PARN: variants seen among roughly 807,000 people sequenced by gnomAD.
PARN encodes the protein poly(A)-specific ribonuclease PARN.
In PARN, 71 loss-of-function variants were observed where a neutral mutation model predicts 102.8. That is an observed-to-expected ratio of 0.69 (90% CI 0.57 to 0.84). PARN has a LOEUF of 0.84. Among genes scored for constraint, PARN ranks in the 40% least tolerant of loss-of-function variants. The probability of loss-of-function intolerance (pLI) is 0.00; values close to 1 mark genes in which losing one functional copy is unlikely to be tolerated. For missense variants in PARN, 782 were observed against 760.9 expected, an observed-to-expected ratio of 1.03 and a Z score of -0.33; for synonymous variants, 261 against 252.9, an observed-to-expected ratio of 1.03 and a Z score of -0.30.
At chr16:14,529,878 A>G (rs900570621) in intron 21 of PARN, among the ~76,000 whole-genome samples, 4 of 152,140 alleles carry the variant, frequency 2.6e-5, no homozygotes, top group Admixed American at 1.3e-4. Context: ...TTCCTCCTAT[A>G]GGTGATACCA....
chr16:14,519,610 T>C (rs1017072437), intron 21 of PARN, among the ~76,000 whole-genome samples: 3 of 152,086 alleles, frequency 2.0e-5, no homozygotes, highest in Non-Finnish European at 4.4e-5. Context: ...GAGGTTCTGA[T>C]TTGCAACACT....
chr16:14,610,510 A>T (rs945307476), intron 7 of PARN, 134 bp downstream of exon 7: 4 of 516,938 alleles, frequency 7.7e-6, no homozygotes, highest in Non-Finnish European at 1.4e-5. Context: ...AATATGCCAC[A>T]ATTATATCCT....
At chr16:14,510,179 C>G (rs1965108800) in intron 21 of PARN, among the ~76,000 whole-genome samples, 1 of 152,124 alleles carries the variant, frequency 6.6e-6, no homozygotes. Flanking sequence ...ACAGCAAAGG[C>G]TGGGGGAATA....
At chr16:14,467,353 G>A (rs1041676683) in intron 22 of PARN, among the ~76,000 whole-genome samples, 1 of 152,170 alleles carries the variant, frequency 6.6e-6, no homozygotes, top group Non-Finnish European at 1.5e-5. Context: ...ACCAAAAGCT[G>A]TAACATCAAG....
At chr16:14,567,405 G>A (rs967830694) in intron 18 of PARN, among the ~76,000 whole-genome samples, 1 of 152,060 alleles carries the variant, frequency 6.6e-6, no homozygotes, top group Non-Finnish European at 1.5e-5. Flanking sequence ...TATTTCCTGG[G>A]CTCTTTATGA....
At chr16:14,572,988 A>C (rs913966088) in intron 18 of PARN, among the ~76,000 whole-genome samples, 3 of 151,600 alleles carry the variant, frequency 2.0e-5, no homozygotes, top group Non-Finnish European at 4.4e-5. Context: ...TCCTGGGCTC[A>C]AGCAATCCTC....
intron 5 of PARN, among the ~76,000 whole-genome samples, chr16:14,626,779 AT>A (rs897636463): frequency 2.3e-4 from 33 of 145,916 alleles, no homozygotes; most frequent in Non-Finnish European, 2.7e-4. Context: ...CACTCGGCAA[AT>A]TTTTTTTTTT....
At position 14,527,240 on chromosome 16, in the gene PARN, G is replaced by T. The variant is rs143900526; in HGVS notation, c.1480+24781C>A. Among the ~76,000 whole-genome samples, 303 of 152,316 alleles carry T rather than the reference G, an allele frequency of 2.0e-3. 2 individuals carry two copies. Among genetic ancestry groups the T allele is most frequent in the African/African-American group, 6.9e-3 (285 of 41,560 alleles). The stretch of plus-strand genomic sequence containing the variant: ...TCCAAACAAGCCAGTTTTACCTGAC[G>T]ACATGATAAATTGAGTTCCCTCTGC... On this transcript the variant is annotated intron_variant, in intron 21 of 23. Coordinates refer to ENST00000437198, the MANE Select transcript of PARN (RefSeq NM_002582.4).
At chr16:14,470,523 T>A (rs994840649) in intron 22 of PARN, among the ~76,000 whole-genome samples, 11 of 151,718 alleles carry the variant, frequency 7.3e-5, no homozygotes, top group African/African-American at 2.7e-4. Flanking sequence ...AGTGGTACAA[T>A]CTCAGCTCAC....
chr16:14,627,222 A>G (rs755591089), intron 4 of PARN, 35 bp from the exon 5 acceptor site: 11 of 1,567,732 alleles, frequency 7.0e-6, no homozygotes, highest in Non-Finnish European at 9.6e-6. Context: ...AGGAGGTGAC[A>G]TTGTGCCACA....
intron 21 of PARN, among the ~76,000 whole-genome samples, chr16:14,513,879 T>G (rs1307267088): frequency 6.6e-6 from 1 of 152,170 alleles, no homozygotes; most frequent in South Asian, 2.1e-4. Flanking sequence ...TGGACTAATT[T>G]CTGTCTCTCC....
chr16:14,478,634 A>G (rs1367266629), intron 22 of PARN, among the ~76,000 whole-genome samples: 1 of 152,220 alleles, frequency 6.6e-6, no homozygotes, highest in Non-Finnish European at 1.5e-5. Flanking sequence ...AAAAGACATA[A>G]AGACTGGAAA....
chr16:14,582,214 C>T lies in PARN; in HGVS notation c.1159G>A (p.Gly387Arg), dbSNP rs753378365. The T allele has an allele frequency of 1.9e-6, 3 of 1,612,966 alleles. No homozygotes were observed. The highest frequency in any genetic ancestry group is 1.7e-5 in the Admixed American group (1 of 60,012). The change falls in exon 17 of 24, where the codon GGG becomes AGG. Residue 387 changes from glycine to arginine, a missense_variant. Coordinates refer to ENST00000437198, the MANE Select transcript of PARN (RefSeq NM_002582.4). ...HEAGYDAYIT[G>R]LCFISMANYL... ...TTGGCCATGGAGATGAAGCACAGCC[C>T]TGTGATGTAGGCATCGTAGCCTGCC...
intron 3 of PARN, among the ~76,000 whole-genome samples, chr16:14,627,562 T>G (rs1444867981): frequency 1.3e-5 from 2 of 152,250 alleles, no homozygotes; most frequent in Non-Finnish European, 2.9e-5. Flanking sequence ...AGAATCATAT[T>G]AGGTCTATTT....
At chr16:14,616,858 A>G (rs923710031) in intron 6 of PARN, among the ~76,000 whole-genome samples, 12 of 152,202 alleles carry the variant, frequency 7.9e-5, no homozygotes, top group Non-Finnish European at 5.9e-5. Context: ...TTACAGCATC[A>G]GTGGAATACA....
At chr16:14,551,870 T>C in intron 21 of PARN, 151 bp downstream of exon 21, 1 of 583,340 alleles carries the variant, frequency 1.7e-6, no homozygotes, top group Non-Finnish European at 3.1e-6. Flanking sequence ...TACTTACTAA[T>C]TATTTCATTT....
rs185768619 is a variant in PARN, at chr16:14,621,466, G to A, written c.328-3816C>T. 6.6e-5 allele frequency among the ~76,000 whole-genome samples: 10 copies of A among 152,192 alleles called. No homozygotes were observed. In the East Asian group the frequency reaches 1.4e-3, roughly 21 times the overall value. On this transcript the variant is annotated intron_variant, in intron 5 of 23. Coordinates refer to ENST00000437198, the MANE Select transcript of PARN (RefSeq NM_002582.4). ...GCCACTGAGCTATACATTTAAATAC[G>A]GTTAGAATAGTAAAATTTATGTTAC...
At chr16:14,601,222 C>T (rs1970846516) in intron 11 of PARN, among the ~76,000 whole-genome samples, 1 of 152,074 alleles carries the variant, frequency 6.6e-6, no homozygotes, top group Admixed American at 6.6e-5. Flanking sequence ...TGTCCACAAA[C>T]AAATGGATAA....
intron 23 of PARN, among the ~76,000 whole-genome samples, chr16:14,439,763 C>T (rs1374353470): frequency 1.3e-5 from 2 of 152,216 alleles, no homozygotes; most frequent in East Asian, 1.9e-4. Context: ...CGCCTGTAAT[C>T]CCAGCACTTT....
Sources: allele counts gnomAD v4.1 joint callset (sites outside exome capture counted in the v4.1 genomes callset), GRCh38; gene constraint gnomAD v4.1.1; transcripts MANE v1.5; gene names NCBI Gene and HGNC (gene_info 2026-07-23, HGNC 2026-07-21).